The following AGBL1 variants were observed in gnomAD, a reference collection of about 807,000 sequenced individuals.
AGBL1 encodes the protein cytosolic carboxypeptidase 4.
Under a neutral mutation model 118.9 loss-of-function variants are expected in AGBL1, and 130 were observed. The ratio of observed to expected loss-of-function variants is 1.09; its 90% confidence interval spans 0.95 to 1.26. The LOEUF (loss-of-function observed/expected upper bound fraction) is 1.26. Ranked by LOEUF, AGBL1 falls within the 50% of genes most tolerant of loss-of-function variation. The pLI is 0.00. For synonymous variants in AGBL1, 555 were observed against 478.9 expected, an observed-to-expected ratio of 1.16 and a Z score of -2.08; for missense variants, 1,584 against 1,298.1, an observed-to-expected ratio of 1.22 and a Z score of -3.38.
Position 86,496,935 on chromosome 15 carries a change from T to G in AGBL1, c.2556-25875T>G, listed in dbSNP as rs375112067. ...AAATAAAAATTGAATATACTTACGG[T>G]GTACGACATGATGTTTTGATATACA... On this transcript the variant is annotated intron_variant, in intron 18 of 22. Transcript: ENST00000614907. Among the ~76,000 whole-genome samples, 18 of 152,152 alleles carry G rather than the reference T, an allele frequency of 1.2e-4. No individual in the cohort carries two copies. The East Asian group carries it at 3.1e-3, about 26-fold the overall frequency.
At chr15:86,412,738 A>G (rs2081640290) in intron 18 of AGBL1, among the ~76,000 whole-genome samples, 1 of 152,172 alleles carries the variant, frequency 6.6e-6, no homozygotes, top group African/African-American at 2.4e-5. Context: ...ATTTAGACAC[A>G]GTTACTACAA....
chr15:86,597,568 C>T (rs1181871116), intron 21 of AGBL1, among the ~76,000 whole-genome samples: 1 of 152,112 alleles, frequency 6.6e-6, no homozygotes, highest in African/African-American at 2.4e-5. Context: ...AAGCATATAG[C>T]TCCTAAATAC....
chr15:86,381,411 C>CT (rs112397324), intron 17 of AGBL1, among the ~76,000 whole-genome samples: 20,912 of 151,362 alleles, frequency 0.14, 2,144 homozygotes, highest in African/African-American at 0.29. Context: ...AGCTGATACA[C>CT]TTTTTTTTTC....
At chr15:86,741,381 C>CAAAAAAAAAAGAAAA (rs2077675674) in intron 22 of AGBL1, among the ~76,000 whole-genome samples, 1 of 30,512 alleles carries the variant, frequency 3.3e-5, no homozygotes, top group Non-Finnish European at 5.3e-5. Context: ...TAAGGCAAAG[C>CAAAAAAAAAAGAAAA]AAAAAAAAAA....
At chr15:86,690,726 T>C (rs2575871) in intron 22 of AGBL1, among the ~76,000 whole-genome samples, 85,703 of 151,886 alleles carry the variant, frequency 0.56, 24,824 homozygotes, top group Non-Finnish European at 0.62. Flanking sequence ...TTAGTCACCA[T>C]AGAAAATTAT....
intron 18 of AGBL1, among the ~76,000 whole-genome samples, chr15:86,426,906 T>G (rs1443684804): frequency 2.0e-5 from 3 of 152,140 alleles, no homozygotes; most frequent in Non-Finnish European, 2.9e-5. Context: ...GCTGAGATTA[T>G]GAGTGCACAC....
chr15:86,812,996 A>G (rs1183611833), intron 22 of AGBL1, among the ~76,000 whole-genome samples: 1 of 152,070 alleles, frequency 6.6e-6, no homozygotes, highest in Admixed American at 6.6e-5. Flanking sequence ...TTCTGGGCAG[A>G]ATTTAAAGAA....
intron 7 of AGBL1, among the ~76,000 whole-genome samples, chr15:86,252,731 G>T (rs1428880283): frequency 6.6e-6 from 1 of 152,224 alleles, no homozygotes; most frequent in Non-Finnish European, 1.5e-5. Flanking sequence ...AGCACAGGAG[G>T]TGGCCACCAG....
intron 24 of AGBL1, chr15:86,988,434 T>C (rs756922022): frequency 1.2e-5 from 2 of 171,810 alleles, no homozygotes; most frequent in Admixed American, 1.3e-4. Flanking sequence ...TTGCTTGCTG[T>C]TGATTCTTGT....
intron 24 of AGBL1, among the ~76,000 whole-genome samples, chr15:87,006,722 C>T (rs2081508541): frequency 6.6e-6 from 1 of 152,086 alleles, no homozygotes; most frequent in Non-Finnish European, 1.5e-5. Context: ...TGAGATGAAC[C>T]CAGTACTTCA....
chr15:86,734,061 C>G (rs2077561582), intron 22 of AGBL1, among the ~76,000 whole-genome samples: 1 of 152,150 alleles, frequency 6.6e-6, no homozygotes. Context: ...TTTATTGAAA[C>G]CGTTCTTTGT....
intron 6 of AGBL1, 25 bp downstream of exon 6, chr15:86,224,976 C>T (rs770074246): frequency 1.2e-6 from 2 of 1,610,426 alleles, no homozygotes; most frequent in Non-Finnish European, 1.7e-6. Flanking sequence ...TGAAGGGTGG[C>T]TATTTCTCTC....
At chr15:87,020,082 G>A (rs1169818783) in intron 24 of AGBL1, among the ~76,000 whole-genome samples, 1 of 151,756 alleles carries the variant, frequency 6.6e-6, no homozygotes, top group East Asian at 1.9e-4. Context: ...AATCCCTGAA[G>A]AGACCAATAA....
intron 1 of AGBL1, chr15:86,140,255 T>G (rs2076945329): frequency 6.6e-6 from 1 of 151,942 alleles, no homozygotes; most frequent in African/African-American, 2.4e-5. Context: ...TGTGGGTTTT[T>G]TTTTTTTTAA....
At chr15:86,391,234 AAT>A (rs2081279520) in intron 17 of AGBL1, among the ~76,000 whole-genome samples, 1 of 152,166 alleles carries the variant, frequency 6.6e-6, no homozygotes, top group Admixed American at 6.5e-5. Context: ...CAATAAAACT[AAT>A]AAAAAAGATA....
chr15:87,007,623 G>C (rs1432192111), intron 24 of AGBL1, among the ~76,000 whole-genome samples: 1 of 152,142 alleles, frequency 6.6e-6, no homozygotes, highest in East Asian at 1.9e-4. Flanking sequence ...GAAGTTGGGA[G>C]GGAAAATATA....
intron 6 of AGBL1, among the ~76,000 whole-genome samples, chr15:86,239,497 G>A (rs929781517): frequency 6.6e-6 from 1 of 152,128 alleles, no homozygotes; most frequent in African/African-American, 2.4e-5. Flanking sequence ...GGAGGAGGTG[G>A]CAGTTGATTC....
At chr15:86,982,967 G>A (rs887469096) in intron 23 of AGBL1, among the ~76,000 whole-genome samples, 4 of 152,032 alleles carry the variant, frequency 2.6e-5, no homozygotes, top group Admixed American at 2.6e-4. Context: ...ATCAGAATAC[G>A]CCATTTTTTA....
intron 5 of AGBL1, among the ~76,000 whole-genome samples, chr15:86,186,078 T>G (rs1489025492): frequency 6.6e-6 from 1 of 152,202 alleles, no homozygotes; most frequent in African/African-American, 2.4e-5. Flanking sequence ...ATTGAATTCA[T>G]TCAAATCTTT....
Sources: gnomAD v4.1 joint callset for allele counts (sites outside exome capture counted in the v4.1 genomes callset) on GRCh38, gnomAD v4.1.1 for gene constraint, MANE v1.5 for transcripts, NCBI Gene and HGNC (gene_info 2026-07-23, HGNC 2026-07-21) for gene names.